Variants in NKAIN2 observed in about 807,000 individuals in gnomAD.
NKAIN2 encodes the protein sodium/potassium-transporting ATPase subunit beta-1-interacting protein 2.
NKAIN2 carries 14 observed loss-of-function variants against 32.6 expected under a neutral mutation model. That is an observed-to-expected ratio of 0.43 (90% CI 0.28 to 0.67). The LOEUF (loss-of-function observed/expected upper bound fraction) is 0.67. NKAIN2 is among the 30% of genes least tolerant of loss of function. The pLI is 0.17. For synonymous variants in NKAIN2, 80 were observed against 87.2 expected (o/e 0.92, Z 0.46); for missense variants, 198 against 258.3 (o/e 0.77, Z 1.60).
chr6:124,509,768 GGTTT>G (rs1357261141), intron 3 of NKAIN2, among the ~76,000 whole-genome samples: 1 of 152,108 alleles, frequency 6.6e-6, no homozygotes, highest in Non-Finnish European at 1.5e-5. Context: ...CACTTTTCTT[GGTTT>G]GTTTATCTCA....
chr6:124,265,541 G>A (rs1252893361), intron 1 of NKAIN2, among the ~76,000 whole-genome samples: 4 of 152,108 alleles, frequency 2.6e-5, no homozygotes, highest in African/African-American at 7.2e-5. Flanking sequence ...TTTGTAATAA[G>A]ATAACAGAAG....
rs143775034 is a variant in NKAIN2, at chr6:123,920,996, G to A, written c.54+116742G>A. 8.9e-4 allele frequency among the ~76,000 whole-genome samples: 135 copies of A among 152,282 alleles called. 1 individual carries two copies. Among genetic ancestry groups the A allele is most frequent in the Admixed American group, 3.1e-3 (47 of 15,294 alleles). On this transcript the variant is annotated intron_variant, in intron 1 of 6. Coordinates refer to ENST00000368417, the MANE Select transcript of NKAIN2 (RefSeq NM_001040214.3). ...CCAGGAATTGGGATATGACTGTGGG[G>A]TGGAGTGGCAAAATTAAATGAATAA...
At chr6:124,251,681 C>T (rs1321452304) in intron 1 of NKAIN2, among the ~76,000 whole-genome samples, 1 of 151,984 alleles carries the variant, frequency 6.6e-6, no homozygotes, top group East Asian at 1.9e-4. Flanking sequence ...GCAAACGCTA[C>T]AAAGTTAGTC....
chr6:123,947,138 A>G lies in NKAIN2; in HGVS notation c.54+142884A>G, dbSNP rs145841020. Among the ~76,000 whole-genome samples the G allele has an allele frequency of 1.9e-3, 289 of 152,282 alleles. 2 individuals are homozygous for G. Among genetic ancestry groups the G allele is most frequent in the Middle Eastern group, 6.8e-3 (2 of 294 alleles). On this transcript the variant is annotated intron_variant, in intron 1 of 6. Transcript: ENST00000368417. ...AGTGCCTTTAGGGATTAGTGATACAATTGATGTGAAAAAAGATAAATGGCT... is the reference window on the plus strand; with the variant it reads ...AGTGCCTTTAGGGATTAGTGATACAGTTGATGTGAAAAAAGATAAATGGCT...
At chr6:124,439,154 G>A (rs1003274928) in intron 3 of NKAIN2, among the ~76,000 whole-genome samples, 3 of 152,064 alleles carry the variant, frequency 2.0e-5, no homozygotes, top group African/African-American at 7.2e-5. Context: ...AACAACTCCC[G>A]ATTTTCGCAT....
intron 3 of NKAIN2, among the ~76,000 whole-genome samples, chr6:124,588,215 A>G (rs1490366134): frequency 1.3e-5 from 2 of 152,186 alleles, no homozygotes; most frequent in Non-Finnish European, 2.9e-5. Context: ...AATCAGTTAA[A>G]TATTACTTCT....
chr6:124,687,150 G>A (rs1583645692), intron 4 of NKAIN2, among the ~76,000 whole-genome samples: 1 of 134,592 alleles, frequency 7.4e-6, no homozygotes, highest in Non-Finnish European at 1.6e-5. Context: ...ATATATATAT[G>A]GAATATAAAT....
intron 1 of NKAIN2, among the ~76,000 whole-genome samples, chr6:123,867,905 G>T (rs1316467620): frequency 3.1e-5 from 4 of 127,656 alleles, no homozygotes; most frequent in Non-Finnish European, 6.3e-5. Context: ...GTCTTGCTCT[G>T]TCGCCCAGGC....
intron 1 of NKAIN2, among the ~76,000 whole-genome samples, chr6:124,033,210 C>T (rs1286044950): frequency 2.0e-5 from 3 of 152,042 alleles, no homozygotes; most frequent in Non-Finnish European, 2.9e-5. Context: ...TTGTCTGGTT[C>T]TCAGGGACTT....
At chr6:124,553,712 A>C (rs915718185) in intron 3 of NKAIN2, among the ~76,000 whole-genome samples, 2 of 152,346 alleles carry the variant, frequency 1.3e-5, no homozygotes. Context: ...TCAGAGAAGT[A>C]ACTTGAAAAA....
chr6:124,605,025 G>A (rs1475132649), intron 3 of NKAIN2, among the ~76,000 whole-genome samples: 2 of 151,996 alleles, frequency 1.3e-5, no homozygotes, highest in South Asian at 2.1e-4. Context: ...GTCACACTAA[G>A]CTCATGATTG....
intron 1 of NKAIN2, among the ~76,000 whole-genome samples, chr6:124,226,947 A>G (rs1792145106): frequency 6.6e-6 from 1 of 152,120 alleles, no homozygotes; most frequent in Non-Finnish European, 1.5e-5. Context: ...TAATCCTGTA[A>G]GAAATAGAAA....
intron 1 of NKAIN2, among the ~76,000 whole-genome samples, chr6:123,943,088 T>C (rs1269674800): frequency 1.3e-5 from 2 of 152,058 alleles, no homozygotes; most frequent in Non-Finnish European, 2.9e-5. Flanking sequence ...TTTACGTTGA[T>C]AGTTTTAATA....
chr6:124,098,594 G>T (rs181858953), intron 1 of NKAIN2, among the ~76,000 whole-genome samples: 2 of 152,180 alleles, frequency 1.3e-5, no homozygotes, highest in Non-Finnish European at 2.9e-5. Context: ...GAGTGGGCCG[G>T]GCATGGCAAC....
chr6:124,646,337 G>T (rs1373851272), intron 3 of NKAIN2, among the ~76,000 whole-genome samples: 1 of 151,790 alleles, frequency 6.6e-6, no homozygotes, highest in Non-Finnish European at 1.5e-5. Context: ...CGCAAGACTT[G>T]GTAAAGAAAA....
intron 3 of NKAIN2, among the ~76,000 whole-genome samples, chr6:124,427,841 G>A (rs1775047991): frequency 6.6e-6 from 1 of 152,108 alleles, no homozygotes. Flanking sequence ...CACGGAAATA[G>A]GTCGTTCGGG....
At chr6:124,671,174 C>G (rs989456992) in intron 4 of NKAIN2, among the ~76,000 whole-genome samples, 1 of 151,998 alleles carries the variant, frequency 6.6e-6, no homozygotes, top group Non-Finnish European at 1.5e-5. Context: ...ATGTATACAA[C>G]CCACACATCA....
intron 1 of NKAIN2, among the ~76,000 whole-genome samples, chr6:124,053,647 G>A (rs1254214453): frequency 6.6e-6 from 1 of 151,990 alleles, no homozygotes; most frequent in Non-Finnish European, 1.5e-5. Flanking sequence ...AGTTTCCTAA[G>A]GAGTGGATTT....
At chr6:123,878,474 T>A (rs1008029396) in intron 1 of NKAIN2, among the ~76,000 whole-genome samples, 1 of 152,154 alleles carries the variant, frequency 6.6e-6, no homozygotes, top group Admixed American at 6.6e-5. Flanking sequence ...CTTCTATTTT[T>A]ATTTTTATTG....
Sources: gnomAD v4.1 joint callset for allele counts (sites outside exome capture counted in the v4.1 genomes callset) on GRCh38, gnomAD v4.1.1 for gene constraint, MANE v1.5 for transcripts, NCBI Gene and HGNC (gene_info 2026-07-23, HGNC 2026-07-21) for gene names.